The following ICA1 variants were observed in gnomAD, a reference collection of about 807,000 sequenced individuals.
ICA1 encodes islet cell autoantigen 1.
Under a neutral mutation model 71.0 loss-of-function variants are expected in ICA1, and 40 were observed. The ratio of observed to expected loss-of-function variants is 0.56; its 90% confidence interval spans 0.44 to 0.73. ICA1 has a LOEUF of 0.73. Ranked by LOEUF, ICA1 falls within the 30% of genes least tolerant of loss-of-function variation. The pLI, the probability that ICA1 is intolerant of heterozygous loss-of-function variation, is 0.00. For missense variants in ICA1, 578 were observed against 576.5 expected (o/e 1.00, Z -0.03); for synonymous variants, 207 against 209.5 (o/e 0.99, Z 0.10).
chr7:8,137,021 T>TA (rs1242647052), intron 12 of ICA1, among the ~76,000 whole-genome samples: 1 of 150,332 alleles, frequency 6.7e-6, no homozygotes, highest in African/African-American at 2.4e-5. Flanking sequence ...ACCGCCAAGT[T>TA]AAAAAAAATT....
chr7:8,129,485 AT>A (rs1413542961), intron 12 of ICA1, among the ~76,000 whole-genome samples: 20 of 152,290 alleles, frequency 1.3e-4, no homozygotes, highest in African/African-American at 4.3e-4. Flanking sequence ...CAGACAGGCT[AT>A]AAATCAGGGA....
At position 8,245,177 on chromosome 7, in the gene ICA1, T is replaced by C. The variant is rs117435908; in HGVS notation, c.-79-9172A>G. Among the ~76,000 whole-genome samples, 927 of 152,106 alleles carry C rather than the reference T, an allele frequency of 6.1e-3. 22 individuals carry two copies. Among genetic ancestry groups the C allele is most frequent in the East Asian group, 0.047 (243 of 5,160 alleles). ...AACCAATACAAATGTCCATCAATGG[T>C]AGAGCGGATTAAGAAAATGCGGCAC... On this transcript the variant is annotated intron_variant, in intron 1 of 13. Transcript: ENST00000402384.
intron 7 of ICA1, chr7:8,158,240 A>G (rs998152840): frequency 2.7e-6 from 1 of 364,650 alleles, no homozygotes; most frequent in Non-Finnish European, 5.0e-6. Flanking sequence ...TACATTAAAA[A>G]GAATGGAATT....
At chr7:8,171,162 G>C (rs58035078) in intron 6 of ICA1, among the ~76,000 whole-genome samples, 20,800 of 151,794 alleles carry the variant, frequency 0.14, 4,567 homozygotes, top group African/African-American at 0.46. Flanking sequence ...CTCATAAAAT[G>C]AACTGGGAAG....
intron 13 of ICA1, among the ~76,000 whole-genome samples, chr7:8,120,146 C>A (rs763203781): frequency 1.4e-4 from 21 of 152,170 alleles, no homozygotes; most frequent in Non-Finnish European, 3.1e-4. Context: ...AGAATGTTCA[C>A]AAACACACAC....
chr7:8,146,388 A>G (rs577473910), intron 8 of ICA1, among the ~76,000 whole-genome samples: 9 of 152,326 alleles, frequency 5.9e-5, no homozygotes, highest in Non-Finnish European at 1.2e-4. Flanking sequence ...AAAGAATGCC[A>G]CTGGAGCTGC....
chr7:8,193,721 T>G (rs930784251), intron 6 of ICA1, among the ~76,000 whole-genome samples: 1 of 152,242 alleles, frequency 6.6e-6, no homozygotes, highest in African/African-American at 2.4e-5. Context: ...AACTGTCTTT[T>G]GTTCCATTTG....
intron 12 of ICA1, among the ~76,000 whole-genome samples, chr7:8,135,270 G>T (rs866547066): frequency 6.6e-6 from 1 of 151,984 alleles, no homozygotes; most frequent in Non-Finnish European, 1.5e-5. Context: ...CAAGTGATCC[G>T]CCCATCTTGT....
intron 6 of ICA1, among the ~76,000 whole-genome samples, chr7:8,168,180 C>T (rs1054820047): frequency 6.6e-6 from 1 of 152,102 alleles, no homozygotes; most frequent in Middle Eastern, 3.2e-3. Context: ...TTTGTGGAAT[C>T]CGGATAGCAC....
rs981368896 is a variant in ICA1 at position 8,222,076 on chromosome 7, A to G, written c.257-678T>C. Among the ~76,000 whole-genome samples the G allele has an allele frequency of 6.6e-6, 1 of 152,188 alleles. No individual in the cohort carries two copies. Among genetic ancestry groups the G allele is most frequent in the Non-Finnish European group, 1.5e-5 (1 of 68,036 alleles). ...GCTTTCTGCAGACTGATTTGACGGTAAACATTTAAAAAATCATAGAATTAC... is the reference window on the plus strand; with the variant it reads ...GCTTTCTGCAGACTGATTTGACGGTGAACATTTAAAAAATCATAGAATTAC... On this transcript the variant is annotated intron_variant, in intron 4 of 13. Transcript: ENST00000402384. The surrounding 1 kb of genome is among the most constrained non-coding windows in gnomAD (Gnocchi z 4.8).
chr7:8,115,874 G>C (rs1036344110), intron 13 of ICA1, among the ~76,000 whole-genome samples: 1 of 152,206 alleles, frequency 6.6e-6, no homozygotes, highest in African/African-American at 2.4e-5. Context: ...CCTTTCTGAG[G>C]TGCACAAATT....
intron 6 of ICA1, among the ~76,000 whole-genome samples, chr7:8,187,304 T>C (rs1336161873): frequency 6.6e-6 from 1 of 152,256 alleles, no homozygotes; most frequent in African/African-American, 2.4e-5. Flanking sequence ...TTGTACTGAA[T>C]ACTGTAGGCA....
At chr7:8,205,922 C>T (rs936708113) in intron 6 of ICA1, among the ~76,000 whole-genome samples, 2 of 152,218 alleles carry the variant, frequency 1.3e-5, no homozygotes, top group African/African-American at 2.4e-5. Flanking sequence ...TAGGGTGCTG[C>T]AATCCAACTC....
chr7:8,160,985 T>C (rs545639299), intron 6 of ICA1, among the ~76,000 whole-genome samples: 7 of 152,288 alleles, frequency 4.6e-5, no homozygotes, highest in African/African-American at 1.7e-4. Flanking sequence ...GTGTTGGTCA[T>C]CGGTTGCTCT....
In ICA1 at chr7:8,221,315, G is replaced by C; in HGVS notation, c.340C>G (p.Gln114Glu). ...QDKTRAGKMMQATGKALCFSS... is the reference protein window; with the variant it reads ...QDKTRAGKMMEATGKALCFSS... ...AAGCAGAGGGCCTTTCCTGTCGCTT[G>C]CATCATCTTTCCTGCTCTGGTTTTA... Residue 114 changes from glutamine to glutamate, a missense_variant, in exon 5 of 14, where the codon CAA becomes GAA. Transcript: ENST00000402384. 1.2e-6 allele frequency: 2 copies of C among 1,613,642 alleles called. No homozygotes were observed. The highest frequency in any genetic ancestry group is 1.7e-6 in the Non-Finnish European group (2 of 1,179,686).
chr7:8,164,905 C>T (rs1334766902), intron 6 of ICA1, among the ~76,000 whole-genome samples: 1 of 152,068 alleles, frequency 6.6e-6, no homozygotes, highest in African/African-American at 2.4e-5. Flanking sequence ...TGGCAAAACC[C>T]TATCTCTACA....
At chr7:8,256,637 G>A (rs930485614) in intron 1 of ICA1, among the ~76,000 whole-genome samples, 1 of 152,154 alleles carries the variant, frequency 6.6e-6, no homozygotes, top group Non-Finnish European at 1.5e-5. Flanking sequence ...CCTCCCCACT[G>A]AAGAGTTAAC....
intron 1 of ICA1, among the ~76,000 whole-genome samples, chr7:8,256,862 A>C (rs551907504): frequency 1.4e-3 from 216 of 152,326 alleles, no homozygotes; most frequent in African/African-American, 5.1e-3. Flanking sequence ...CCACTTACCA[A>C]GCACTTTACA....
rs1798785933 is a variant in ICA1 at position 8,226,985 on chromosome 7, T to C, written c.256+1616A>G. On this transcript the variant is annotated intron_variant, in intron 4 of 13. Transcript: ENST00000402384. This position sits in a 1 kb window ranked among gnomAD's most constrained non-coding sequence, Gnocchi z 4.4. Reference sequence around the variant, plus strand: ...ACAGGAAATATGCAAGCATCCTTCTTTTCTTCCCTTGTTACAATATATATT... The same window carrying C: ...ACAGGAAATATGCAAGCATCCTTCTCTTCTTCCCTTGTTACAATATATATT... 6.6e-6 allele frequency among the ~76,000 whole-genome samples: 1 copy of C among 152,192 alleles called. No individual in the cohort carries two copies. The highest frequency in any genetic ancestry group is 1.5e-5 in the Non-Finnish European group (1 of 68,036).
Sources: allele counts gnomAD v4.1 joint callset (sites outside exome capture counted in the v4.1 genomes callset), GRCh38; gene constraint gnomAD v4.1.1; non-coding constraint Gnocchi (gnomAD v3.1); transcripts MANE v1.5; gene names NCBI Gene and HGNC (gene_info 2026-07-23, HGNC 2026-07-21).